Variants in HDGFL2 observed in about 807,000 individuals in gnomAD.
HDGFL2 encodes the protein hepatoma-derived growth factor-related protein 2.
HDGFL2 carries 36 observed loss-of-function variants against 77.1 expected under a neutral mutation model. The observed-to-expected ratio is 0.47, with a 90% CI of 0.36 to 0.62. HDGFL2 has a LOEUF of 0.62. HDGFL2 is among the 20% of genes least tolerant of loss of function. The pLI, the probability that HDGFL2 is intolerant of heterozygous loss-of-function variation, is 0.00. For missense variants in HDGFL2, 976 were observed against 973.4 expected, an observed-to-expected ratio of 1.00 and a Z score of -0.04; for synonymous variants, 463 against 413.1, an observed-to-expected ratio of 1.12 and a Z score of -1.46.
intron 6 of HDGFL2, among the ~76,000 whole-genome samples, chr19:4,492,223 ATG>A (rs750445922): frequency 4.3e-4 from 66 of 151,862 alleles, no homozygotes; most frequent in African/African-American, 1.4e-3. Flanking sequence ...GTCGACGTGC[ATG>A]TGTGTGTGTG....
In HDGFL2 at chr19:4,502,015, C is replaced by G; in HGVS notation, c.*5C>G. On this transcript the variant is annotated 3_prime_UTR_variant, in exon 16 of 16. Transcript: ENST00000616600. Reference sequence around the variant, plus strand: ...GCCCTGGACGAGGAGAGCTGAGCCGCGGGCAGCCAGGCCCAGCCCCCGCCC... The same window carrying G: ...GCCCTGGACGAGGAGAGCTGAGCCGGGGGCAGCCAGGCCCAGCCCCCGCCC... 1.3e-6 allele frequency: 2 copies of G among 1,518,348 alleles called. No individual in the cohort carries two copies. Among genetic ancestry groups the G allele is most frequent in the Non-Finnish European group, 1.8e-6 (2 of 1,139,654 alleles). 94.1% of individuals were successfully genotyped at this position (1,518,348 alleles called of 1,614,324 possible). A position where few individuals can be genotyped will look rare whatever the true frequency, so the allele number is the denominator to read the frequency against.
At chr19:4,500,008 CAG>C (rs368319941) in intron 14 of HDGFL2, among the ~76,000 whole-genome samples, 4 of 150,754 alleles carry the variant, frequency 2.7e-5, no homozygotes, top group African/African-American at 4.9e-5. Context: ...CTGGGACGCC[CAG>C]AGAGGGGGGT....
chr19:4,501,639 C>A, intron 15 of HDGFL2: 1 of 478,226 alleles, frequency 2.1e-6, no homozygotes, highest in Non-Finnish European at 3.7e-6. Flanking sequence ...GTGCCTGTGC[C>A]CATCACTGTG....
intron 9 of HDGFL2, 128 bp from the exon 10 acceptor site, chr19:4,496,174 C>T: frequency 1.3e-6 from 1 of 746,528 alleles, no homozygotes; most frequent in Non-Finnish European, 2.3e-6. Context: ...CATCCTGCCC[C>T]AGCACCTTCA....
intron 3 of HDGFL2, among the ~76,000 whole-genome samples, chr19:4,485,883 CA>C (rs57557081): frequency 1.0e-5 from 1 of 95,624 alleles, no homozygotes; most frequent in Non-Finnish European, 1.9e-5. Context: ...CCCATGTCTA[CA>C]AAAAAAAAAT....
rs1975513770 is a variant in HDGFL2 at position 4,491,581 on chromosome 19, C to G, written c.505C>G (p.Arg169Gly). The G allele has an allele frequency of 6.2e-7, 1 of 1,613,760 alleles. No homozygotes were observed. The highest frequency in any genetic ancestry group is 8.5e-7 in the Non-Finnish European group (1 of 1,179,988). The change falls in exon 5 of 16, where the codon CGA (arginine) becomes GGA (glycine). Residue 169 changes from arginine (R) to glycine (G), a missense_variant. Around this residue, in one of 5 missense-constraint regions of HDGFL2, gnomAD observed 567 missense variants for 534.7 expected, o/e 1.06. Transcript: ENST00000616600. ...CCCCTTCCAGATGTCGGTCTCGAAA[C>G]GAGCCCGAAAGGCCTCCAGCGACCT... ...TPALKMSVSK[R>G]ARKASSDLDQ... is the part of the protein sequence containing the mutation.
rs757576775 is a variant in HDGFL2, at chr19:4,494,045, C to G, written c.902C>G (p.Ser301Cys). ...KPKPERPPSS[S>C]SSDSDSDEVD... is the part of the protein sequence containing the mutation. ...AAGCCTGAACGGCCTCCGTCCAGCT[C>G]CAGCAGTGACAGGTGGGTGCTGGGG... The change falls in exon 8 of 16, where the codon TCC becomes TGC. Residue 301 changes from serine to cysteine, a missense_variant. This residue lies in a region of HDGFL2 where 567 missense variants were observed against 534.7 expected (regional missense o/e 1.06). Transcript: ENST00000616600. 2 of 1,608,498 alleles carry G rather than the reference C, an allele frequency of 1.2e-6. No homozygotes were observed. Among genetic ancestry groups the G allele is most frequent in the African/African-American group, 2.7e-5 (2 of 74,842 alleles).
intron 14 of HDGFL2, among the ~76,000 whole-genome samples, chr19:4,500,561 C>T (rs1245699470): frequency 3.4e-5 from 5 of 148,570 alleles, no homozygotes; most frequent in South Asian, 2.2e-4. Flanking sequence ...CCTGGGTTCA[C>T]GCCATTCTCC....
chr19:4,472,636 A>G (rs572936085), intron 1 of HDGFL2, among the ~76,000 whole-genome samples: 68 of 86,036 alleles, frequency 7.9e-4, no homozygotes, highest in Middle Eastern at 0.011. Context: ...GCTGCGCCCT[A>G]GGGGTCTGGG....
intron 3 of HDGFL2, among the ~76,000 whole-genome samples, chr19:4,484,633 G>A (rs1975312124): frequency 6.7e-6 from 1 of 148,210 alleles, no homozygotes; most frequent in African/African-American, 2.5e-5. Flanking sequence ...CTGAGTAGAT[G>A]GGACTACAGG....
intron 1 of HDGFL2, among the ~76,000 whole-genome samples, chr19:4,474,233 C>T (rs1975013857): frequency 1.3e-5 from 2 of 152,040 alleles, no homozygotes; most frequent in Non-Finnish European, 2.9e-5. Flanking sequence ...AGGGGGACAC[C>T]AAACGGTGCT....
chr19:4,493,067 T>G (rs1293473416), intron 6 of HDGFL2, among the ~76,000 whole-genome samples: 1 of 98,902 alleles, frequency 1.0e-5, no homozygotes, highest in Non-Finnish European at 2.0e-5. Context: ...GTGTGTTGTC[T>G]GTGTGTGGTG....
At chr19:4,477,349 C>T (rs1410180522) in intron 3 of HDGFL2, among the ~76,000 whole-genome samples, 2 of 152,010 alleles carry the variant, frequency 1.3e-5, no homozygotes, top group African/African-American at 4.8e-5. Context: ...GATCTGGCAG[C>T]CCCTTCTCAG....
At position 4,499,366 on chromosome 19, in the gene HDGFL2, C is replaced by G. The variant is rs2145217480; in HGVS notation, c.1576-125C>G. On this transcript the variant is annotated intron_variant, in intron 13 of 15. Transcript: ENST00000616600. ...GTCTCAAAAAAAAAAAAAGAAATGCCTGCTGCACAGAGCTGTGCTCCCGGG... is the reference window on the plus strand; with the variant it reads ...GTCTCAAAAAAAAAAAAAGAAATGCGTGCTGCACAGAGCTGTGCTCCCGGG... 3 of 759,422 alleles carry G rather than the reference C, an allele frequency of 4.0e-6. No individual in the cohort carries two copies. In the East Asian group the frequency reaches 8.1e-5, roughly 20 times the overall value. The allele number at this position is 759,422 out of a possible 1,614,324, so 47.0% of individuals were successfully genotyped here. A position where few individuals can be genotyped will look rare whatever the true frequency, so the allele number is the denominator to read the frequency against.
intron 3 of HDGFL2, among the ~76,000 whole-genome samples, chr19:4,479,478 G>A (rs751080206): frequency 6.6e-6 from 1 of 151,882 alleles, no homozygotes; most frequent in Non-Finnish European, 1.5e-5. Context: ...CTACTCTGGA[G>A]GCTGAAGCAG....
At chr19:4,498,518 G>A (rs577109995) in intron 12 of HDGFL2, 142 bp downstream of exon 12, 9 of 693,944 alleles carry the variant, frequency 1.3e-5, no homozygotes, top group African/African-American at 8.9e-5. Flanking sequence ...GCTAGTGAGC[G>A]CATGGGGTCT....
At chr19:4,494,593 C>T in intron 9 of HDGFL2, 118 bp downstream of exon 9, 1 of 720,582 alleles carries the variant, frequency 1.4e-6, no homozygotes, top group Non-Finnish European at 1.9e-6. Flanking sequence ...TGCGTGGGCC[C>T]AGAAACTCCT....
intron 3 of HDGFL2, among the ~76,000 whole-genome samples, chr19:4,487,535 G>A (rs1452411796): frequency 6.6e-6 from 1 of 152,194 alleles, no homozygotes; most frequent in Non-Finnish European, 1.5e-5. Context: ...GGGATTACAG[G>A]CGTGAGCCAC....
In HDGFL2 at chr19:4,502,092, A is replaced by C; in HGVS notation, c.*82A>C. 1.1e-6 allele frequency: 1 copy of C among 946,126 alleles called. No homozygotes were observed. The highest frequency in any genetic ancestry group is 1.4e-5 in the South Asian group (1 of 72,066). 58.6% of individuals were successfully genotyped at this position (946,126 alleles called of 1,614,324 possible). On this transcript the variant is annotated 3_prime_UTR_variant, in exon 16 of 16. Coordinates refer to ENST00000616600, the MANE Select transcript of HDGFL2 (RefSeq NM_001001520.3). ...CGGCTCGCAGGAGAGCAGAGCAGAG[A>C]ACTGTGGGGAACGCTGTGCTGTTTG...
Sources: allele counts gnomAD v4.1 joint callset (sites outside exome capture counted in the v4.1 genomes callset), GRCh38; gene constraint gnomAD v4.1.1; regional missense constraint gnomAD v4.1.1; transcripts MANE v1.5; gene names NCBI Gene and HGNC (gene_info 2026-07-23, HGNC 2026-07-21).